The following ATP6V1G3 variants were observed in gnomAD, a reference collection of about 807,000 sequenced individuals.
The protein encoded by ATP6V1G3 is ATPase H+ transporting V1 subunit G3, also known as V-type proton ATPase subunit G 3.
ATP6V1G3 carries 9 observed loss-of-function variants against 9.3 expected under a neutral mutation model. The ratio of observed to expected loss-of-function variants is 0.97; its 90% CI spans 0.59 to 1.69. The LOEUF is 1.69. Ranked by LOEUF, ATP6V1G3 falls within the 40% of genes most tolerant of loss-of-function variation. ATP6V1G3 has a pLI of 0.00. For synonymous variants in ATP6V1G3, 43 were observed against 43.8 expected (o/e 0.98, Z 0.07); for missense variants, 133 against 139.0 (o/e 0.96, Z 0.22).
upstream of ATP6V1G3, chr1:198,540,895 C>G: frequency 1.8e-6 from 1 of 550,130 alleles, no homozygotes; most frequent in South Asian, 2.2e-5. Flanking sequence ...AATCTTAGCT[C>G]TTCTGTATGA....
intron 1 of ATP6V1G3, among the ~76,000 whole-genome samples, chr1:198,535,183 C>T (rs1372628908): frequency 6.6e-6 from 1 of 152,064 alleles, no homozygotes; most frequent in Non-Finnish European, 1.5e-5. Context: ...AAGCCCAATA[C>T]ACTTACAAAT....
intron 1 of ATP6V1G3, among the ~76,000 whole-genome samples, chr1:198,530,561 T>C (rs917717805): frequency 6.6e-6 from 1 of 152,196 alleles, no homozygotes; most frequent in African/African-American, 2.4e-5. Context: ...GCCTACACTT[T>C]CTTTAAAATC....
chr1:198,536,167 T>TTCCC (rs1660104517), intron 1 of ATP6V1G3, among the ~76,000 whole-genome samples: 1 of 152,206 alleles, frequency 6.6e-6, no homozygotes, highest in Non-Finnish European at 1.5e-5. Context: ...GAGTTCTTTA[T>TTCCC]GTGATGTTGA....
At position 198,540,623 on chromosome 1, in the gene ATP6V1G3, G is replaced by A. The variant is rs1334703053; in HGVS notation, c.28C>T (p.Gln10Ter). The A allele has an allele frequency of 6.2e-7, 1 of 1,613,934 alleles. No homozygotes were observed. Among genetic ancestry groups the A allele is most frequent in the African/African-American group, 1.3e-5 (1 of 74,896 alleles). Residue 10 changes from glutamine to a stop codon, truncating the protein, a stop_gained, in exon 1 of 3, where the codon CAG becomes TAG. Transcript: ENST00000367382. LOFTEE classifies it high-confidence loss of function. MTSQSQGIH[Q>*]LLQAEKRAKD... is the part of the protein sequence containing the mutation. ...GCCCGTTTTTCTGCCTGAAGAAGCT[G>A]GTGGATCCCCTGAGACTGGCTTGTC...
At chr1:198,526,342 G>A (rs1659650463) in intron 2 of ATP6V1G3, among the ~76,000 whole-genome samples, 1 of 152,104 alleles carries the variant, frequency 6.6e-6, no homozygotes, top group Non-Finnish European at 1.5e-5. Context: ...GCACTTAGTA[G>A]ATGCTCAATA....
intron 1 of ATP6V1G3, among the ~76,000 whole-genome samples, chr1:198,538,869 G>A (rs1660227265): frequency 7.2e-6 from 1 of 138,554 alleles, no homozygotes; most frequent in Non-Finnish European, 1.5e-5. Context: ...TTTCAGCCTG[G>A]GAACAGAAGC....
At chr1:198,531,552 G>T (rs1038993506) in intron 1 of ATP6V1G3, among the ~76,000 whole-genome samples, 2 of 152,198 alleles carry the variant, frequency 1.3e-5, no homozygotes, top group Middle Eastern at 3.4e-3. Flanking sequence ...GGAGACAAAG[G>T]GTAATGCTTG....
chr1:198,523,416 T>C lies in ATP6V1G3; in HGVS notation c.332A>G (p.His111Arg), dbSNP rs1659522109. ...TTAGTTGGTGGCTCTGTAGTTCACA[T>C]GGATTTCTGGTTTCATGTCACAGAC... Reference protein sequence around the residue: ...SMVCDMKPEIHVNYRATN With the variant: ...SMVCDMKPEIRVNYRATN The change falls in exon 3 of 3, where the codon CAT (histidine) becomes CGT (arginine). Residue 111 changes from histidine (H) to arginine (R), a missense_variant. Transcript: ENST00000367382. 1 of 1,613,104 alleles carries C rather than the reference T, an allele frequency of 6.2e-7. No homozygotes were observed. Among genetic ancestry groups the C allele is most frequent in the Middle Eastern group, 1.6e-4 (1 of 6,076 alleles).
At chr1:198,537,369 G>A (rs1200624447) in intron 1 of ATP6V1G3, among the ~76,000 whole-genome samples, 1 of 152,108 alleles carries the variant, frequency 6.6e-6, no homozygotes, top group Non-Finnish European at 1.5e-5. Flanking sequence ...TGATTAACAT[G>A]TGAATTGCTG....
intron 1 of ATP6V1G3, among the ~76,000 whole-genome samples, chr1:198,529,702 C>T (rs951976782): frequency 1.3e-5 from 2 of 152,090 alleles, no homozygotes; most frequent in East Asian, 1.9e-4. Flanking sequence ...TTTTTAAAAA[C>T]GTTTTATTGG....
intron 2 of ATP6V1G3, 85 bp from the exon 3 acceptor site, chr1:198,523,649 G>A (rs2103128465): frequency 7.9e-7 from 1 of 1,266,508 alleles, no homozygotes; most frequent in Non-Finnish European, 1.1e-6. Context: ...ACTGATGATT[G>A]TCCTACAATG....
rs572667812 is a variant in ATP6V1G3 at position 198,531,836 on chromosome 1, C to A, written c.83-2655G>T. On this transcript the variant is annotated intron_variant, in intron 1 of 2. Coordinates refer to ENST00000367382, the MANE Select transcript of ATP6V1G3 (RefSeq NM_001376861.1). Reference sequence around the variant, plus strand: ...TCTATAAGACAGATTTAATAATCTACCATAAAAAGTTATTGGAGGGATTAG... The same window carrying A: ...TCTATAAGACAGATTTAATAATCTAACATAAAAAGTTATTGGAGGGATTAG... 3.4e-4 allele frequency among the ~76,000 whole-genome samples: 52 copies of A among 151,774 alleles called. 1 individual carries two copies. In the South Asian group the frequency reaches 0.01, roughly 30 times the overall value.
intron 1 of ATP6V1G3, among the ~76,000 whole-genome samples, chr1:198,529,956 A>C (rs1277756160): frequency 6.6e-6 from 1 of 152,142 alleles, no homozygotes; most frequent in Non-Finnish European, 1.5e-5. Flanking sequence ...ATGCTGTGGT[A>C]ATCATTAGCT....
chr1:198,538,904 A>AAAAAAAAAAAAAG (rs974518506), intron 1 of ATP6V1G3, among the ~76,000 whole-genome samples: 1 of 151,612 alleles, frequency 6.6e-6, no homozygotes, highest in African/African-American at 2.4e-5. Context: ...AAAAAAAAAA[A>AAAAAAAAAAAAAG]AAGAAGAAGA....
At chr1:198,533,982 G>T (rs1660008686) in intron 1 of ATP6V1G3, among the ~76,000 whole-genome samples, 1 of 152,162 alleles carries the variant, frequency 6.6e-6, no homozygotes, top group African/African-American at 2.4e-5. Flanking sequence ...AAAATGGAAT[G>T]AAACATTGTA....
At position 198,539,147 on chromosome 1, in the gene ATP6V1G3, T is replaced by C. The variant is rs1358748428; in HGVS notation, c.82+1422A>G. Among the ~76,000 whole-genome samples the C allele has an allele frequency of 2.0e-5, 3 of 152,346 alleles. No individual in the cohort carries two copies. The South Asian group carries it at 6.2e-4, about 32-fold the overall frequency. On this transcript the variant is annotated intron_variant, in intron 1 of 2. Transcript: ENST00000367382. The stretch of plus-strand genomic sequence containing the variant: ...CCACCTGGAGTCATTCCTTTTATGT[T>C]GTTGATGCCCACATTGCTGAGTGTT...
At chr1:198,540,900 G>T (rs1469390785), upstream of ATP6V1G3, 1 of 542,350 alleles carries the variant, frequency 1.8e-6, no homozygotes, top group Non-Finnish European at 3.3e-6. Context: ...TAGCTCTTCT[G>T]TATGAGATAA....
At chr1:198,535,214 A>G (rs1178081174) in intron 1 of ATP6V1G3, among the ~76,000 whole-genome samples, 1 of 152,166 alleles carries the variant, frequency 6.6e-6, no homozygotes, top group African/African-American at 2.4e-5. Flanking sequence ...TCTGTGGACT[A>G]TAAAGGAAGA....
At chr1:198,528,489 G>T (rs557429193) in intron 2 of ATP6V1G3, among the ~76,000 whole-genome samples, 3 of 152,090 alleles carry the variant, frequency 2.0e-5, no homozygotes, top group Non-Finnish European at 4.4e-5. Context: ...CGCTCCAAAG[G>T]TTTCATGCAT....
Sources: gnomAD v4.1 joint callset for allele counts (sites outside exome capture counted in the v4.1 genomes callset) on GRCh38, gnomAD v4.1.1 for gene constraint, MANE v1.5 for transcripts, NCBI Gene and HGNC (gene_info 2026-07-23, HGNC 2026-07-21) for gene names.